Variants in CERS6 observed in about 807,000 individuals in gnomAD.
The protein encoded by CERS6 is LAG1 homolog, ceramide synthase 6.
Under a neutral mutation model 56.8 loss-of-function variants are expected in CERS6, and 26 were observed. The ratio of observed to expected loss-of-function variants is 0.46; its 90% confidence interval spans 0.34 to 0.63. The LOEUF (loss-of-function observed/expected upper bound fraction) is 0.63, where lower values mean the gene tolerates loss of function less well. Ranked by LOEUF, CERS6 falls within the 30% of genes least tolerant of loss-of-function variation. The pLI, the probability that CERS6 is intolerant of heterozygous loss-of-function variation, is 0.01. For synonymous variants in CERS6, 164 were observed against 173.3 expected (o/e 0.95, Z 0.42); for missense variants, 415 against 467.5 (o/e 0.89, Z 1.04).
chr2:168,596,941 G>A (rs1345885013), intron 3 of CERS6, among the ~76,000 whole-genome samples: 1 of 152,158 alleles, frequency 6.6e-6, no homozygotes, highest in African/African-American at 2.4e-5. Flanking sequence ...TCCTTTTATT[G>A]TAGCAAAAGT....
chr2:168,515,477 C>T (rs1221848429), intron 1 of CERS6, among the ~76,000 whole-genome samples: 2 of 151,902 alleles, frequency 1.3e-5, no homozygotes, highest in Admixed American at 1.3e-4. Context: ...TTTGAATTCT[C>T]ATCACCAAGT....
intron 3 of CERS6, among the ~76,000 whole-genome samples, chr2:168,592,656 T>C (rs927122870): frequency 2.0e-5 from 3 of 152,034 alleles, no homozygotes; most frequent in African/African-American, 7.2e-5. Context: ...CAGTGACTAA[T>C]TGGCATTTAC....
At chr2:168,584,802 G>T (rs1683502292) in intron 3 of CERS6, among the ~76,000 whole-genome samples, 1 of 152,222 alleles carries the variant, frequency 6.6e-6, no homozygotes, top group Admixed American at 6.5e-5. Context: ...ATGGCTGCAA[G>T]AAATTGTGGG....
intron 4 of CERS6, among the ~76,000 whole-genome samples, chr2:168,668,974 A>T (rs1440355484): frequency 6.6e-6 from 1 of 152,204 alleles, no homozygotes; most frequent in African/African-American, 2.4e-5. Flanking sequence ...ACTGTAAACC[A>T]TTGAAATCTT....
At chr2:168,583,774 T>G (rs1683476292) in intron 3 of CERS6, among the ~76,000 whole-genome samples, 1 of 152,224 alleles carries the variant, frequency 6.6e-6, no homozygotes, top group African/African-American at 2.4e-5. Context: ...GATGTATCAT[T>G]ATTTGTCATC....
chr2:168,688,685 A>G (rs185044892), intron 4 of CERS6, among the ~76,000 whole-genome samples: 1 of 152,294 alleles, frequency 6.6e-6, no homozygotes, highest in Admixed American at 6.5e-5. Flanking sequence ...TGCATTCTGT[A>G]TGAAAGAATA....
At chr2:168,677,182 C>G (rs13000567) in intron 4 of CERS6, among the ~76,000 whole-genome samples, 3 of 151,446 alleles carry the variant, frequency 2.0e-5, no homozygotes, top group South Asian at 4.2e-4. Context: ...CCCCCACCCC[C>G]CAACAGGCCC....
intron 4 of CERS6, among the ~76,000 whole-genome samples, chr2:168,656,561 C>T (rs1396711544): frequency 5.3e-5 from 8 of 151,440 alleles, no homozygotes; most frequent in African/African-American, 1.2e-4. Context: ...TAAGGTAGCG[C>T]GTCTGGAGTT....
chr2:168,752,684 G>A (rs949751822), intron 8 of CERS6, among the ~76,000 whole-genome samples: 19 of 152,318 alleles, frequency 1.2e-4, no homozygotes, highest in Non-Finnish European at 2.6e-4. Flanking sequence ...ATTACTATCC[G>A]ACTTAAATGT....
At chr2:168,700,327 TC>T (rs1365735175) in intron 6 of CERS6, among the ~76,000 whole-genome samples, 1 of 152,184 alleles carries the variant, frequency 6.6e-6, no homozygotes, top group Non-Finnish European at 1.5e-5. Context: ...CATGTTTTAA[TC>T]TTACGAGGAA....
chr2:168,650,470 A>C (rs1044448490), intron 4 of CERS6, among the ~76,000 whole-genome samples: 2 of 152,108 alleles, frequency 1.3e-5, no homozygotes, highest in Non-Finnish European at 2.9e-5. Flanking sequence ...AATCCTTTAC[A>C]TTTCTTTGGC....
chr2:168,660,514 T>G (rs938786722), intron 4 of CERS6, among the ~76,000 whole-genome samples: 1 of 152,162 alleles, frequency 6.6e-6, no homozygotes, highest in Non-Finnish European at 1.5e-5. Context: ...CACACTCTTC[T>G]AAACTCTGTA....
At chr2:168,573,197 A>C (rs767340976) in intron 3 of CERS6, among the ~76,000 whole-genome samples, 1 of 150,312 alleles carries the variant, frequency 6.7e-6, no homozygotes, top group Non-Finnish European at 1.5e-5. Flanking sequence ...CTATGGGGGA[A>C]AAAAAGGATA....
intron 3 of CERS6, among the ~76,000 whole-genome samples, chr2:168,586,856 A>G (rs926934929): frequency 6.6e-6 from 1 of 152,192 alleles, no homozygotes; most frequent in African/African-American, 2.4e-5. Flanking sequence ...ATTCCTTGAT[A>G]TATACTAGGG....
chr2:168,764,291 C>T lies in CERS6; in HGVS notation c.846-1301C>T, dbSNP rs550958721. On this transcript the variant is annotated intron_variant, in intron 8 of 9. Coordinates refer to ENST00000305747, the MANE Select transcript of CERS6 (RefSeq NM_203463.3). ...CCTAGTAGCTGGGACTACAGGTGCC[C>T]GCCACCACACCCGGCTAATTTTTTG... Among the ~76,000 whole-genome samples, 32 of 152,016 alleles carry T rather than the reference C, an allele frequency of 2.1e-4. No homozygotes were observed. The South Asian group carries it at 4.2e-3, about 20-fold the overall frequency.
chr2:168,769,066 G>A (rs1410884190), intron 9 of CERS6, among the ~76,000 whole-genome samples: 1 of 150,896 alleles, frequency 6.6e-6, no homozygotes, highest in African/African-American at 2.4e-5. Flanking sequence ...TTTTTTTTCA[G>A]TGTTCTGAGT....
intron 5 of CERS6, among the ~76,000 whole-genome samples, chr2:168,692,234 T>C (rs1686523968): frequency 6.6e-6 from 1 of 152,196 alleles, no homozygotes; most frequent in South Asian, 2.1e-4. Context: ...TACACAATTG[T>C]AATTCTCAGG....
At chr2:168,595,547 T>G (rs563186402) in intron 3 of CERS6, among the ~76,000 whole-genome samples, 28 of 152,352 alleles carry the variant, frequency 1.8e-4, no homozygotes, top group African/African-American at 6.5e-4. Context: ...CATTGGATTA[T>G]GTATAATACC....
At chr2:168,597,495 G>T (rs535464368) in intron 3 of CERS6, among the ~76,000 whole-genome samples, 2 of 152,154 alleles carry the variant, frequency 1.3e-5, no homozygotes, top group Non-Finnish European at 2.9e-5. Context: ...AGGTGTGTCT[G>T]CCTTACAGGG....
Sources: gnomAD v4.1 joint callset for allele counts (sites outside exome capture counted in the v4.1 genomes callset) on GRCh38, gnomAD v4.1.1 for gene constraint, MANE v1.5 for transcripts, NCBI Gene and HGNC (gene_info 2026-07-23, HGNC 2026-07-21) for gene names.